The following DDB1 variants were observed in gnomAD, a reference collection of about 807,000 sequenced individuals.
The protein encoded by DDB1 is damage specific DNA binding protein 1.
Under a neutral mutation model 133.1 loss-of-function variants are expected in DDB1, and 18 were observed. That is an observed-to-expected ratio of 0.14 (90% CI 0.09 to 0.20). The LOEUF is 0.20. Among genes scored for constraint, DDB1 ranks in the 10% least tolerant of loss-of-function variants. The probability of loss-of-function intolerance (pLI) is 1.00; values close to 1 mark genes in which losing one functional copy is unlikely to be tolerated. For missense variants in DDB1, 828 were observed against 1,459.2 expected, an observed-to-expected ratio of 0.57 and a Z score of 7.05; for synonymous variants, 580 against 550.5, an observed-to-expected ratio of 1.05 and a Z score of -0.75.
At chr11:61,328,615 G>C (rs1856308733) in intron 4 of DDB1, among the ~76,000 whole-genome samples, 1 of 152,186 alleles carries the variant, frequency 6.6e-6, no homozygotes, top group African/African-American at 2.4e-5. Context: ...GCTCACGTCT[G>C]AAATCTCAGC....
chr11:61,312,834 G>A lies in DDB1; in HGVS notation c.2069+665C>T, dbSNP rs190970302. 9.9e-5 allele frequency among the ~76,000 whole-genome samples: 15 copies of A among 151,868 alleles called. No homozygotes were observed. In the East Asian group the frequency reaches 1.4e-3, roughly 14 times the overall value. ...GACTGGTCTCGAGCTCCTGACCTCC[G>A]GTGATCCACCCACCTCAGCCTCCCA... On this transcript the variant is annotated intron_variant, in intron 16 of 26. Coordinates refer to ENST00000301764, the MANE Select transcript of DDB1 (RefSeq NM_001923.5).
chr11:61,321,802 T>A, intron 9 of DDB1, 105 bp from the exon 10 acceptor site: 1 of 994,624 alleles, frequency 1.0e-6, no homozygotes, highest in East Asian at 2.4e-5. Flanking sequence ...AGAACCTTTA[T>A]TGTGGGGCTA....
intron 20 of DDB1, 119 bp from the exon 21 acceptor site, chr11:61,309,196 AACAAC>A (rs1855921540): frequency 1.2e-6 from 1 of 854,556 alleles, no homozygotes; most frequent in Non-Finnish European, 1.9e-6. Flanking sequence ...CATCTAAAAA[AACAAC>A]ACAGACTCAG....
chr11:61,301,059 C>T (rs1054786511), intron 25 of DDB1, 127 bp from the exon 26 acceptor site: 60 of 1,387,024 alleles, frequency 4.3e-5, no homozygotes, highest in Non-Finnish European at 5.6e-5. Flanking sequence ...TTCCTTTCGC[C>T]TTGCTTTTAT....
At position 61,322,432 on chromosome 11, in the gene DDB1, T is replaced by A; in HGVS notation, c.1006-20A>T. On this transcript the variant is annotated intron_variant, in intron 8 of 26. Coordinates refer to ENST00000301764, the MANE Select transcript of DDB1 (RefSeq NM_001923.5). Reference sequence around the variant, plus strand: ...GTTGAGCTAATAAGAAAGAACAATGTTATGTTAGTCCTAGAACACCCTAAC... The same window carrying A: ...GTTGAGCTAATAAGAAAGAACAATGATATGTTAGTCCTAGAACACCCTAAC... 6.3e-7 allele frequency: 1 copy of A among 1,592,430 alleles called. No individual in the cohort carries two copies. Among genetic ancestry groups the A allele is most frequent in the Non-Finnish European group, 8.6e-7 (1 of 1,160,110 alleles).
chr11:61,306,480 A>G lies in DDB1; in HGVS notation c.2662-2445T>C, dbSNP rs1271124303. 4.0e-5 allele frequency among the ~76,000 whole-genome samples: 6 copies of G among 151,232 alleles called. No individual in the cohort carries two copies. In the East Asian group the frequency reaches 1.2e-3, roughly 29 times the overall value. On this transcript the variant is annotated intron_variant, in intron 21 of 26. Transcript: ENST00000301764. ...CACCTGAATCCCCAACCCACCCATC[A>G]CTCTCTCCCACACAACCTCCTATAA... is the stretch of plus-strand genomic sequence containing the variant.
chr11:61,313,684 C>G lies in DDB1; in HGVS notation c.1884G>C (p.Lys628Asn). The change falls in exon 16 of 27, where the codon AAG becomes AAC. Residue 628 changes from lysine (K) to asparagine (N), a missense_variant. By Grantham distance (94) the Lys-to-Asn change is moderately conservative (BLOSUM62 0). Transcript: ENST00000301764. ...IETGLLSDRK[K>N]VTLGTQPTVL... ...CGGTGGGCTGGGTGCCCAAAGTCAC[C>G]TTCTTACGGTCGCTCAACAGACCTA... 1.2e-6 allele frequency: 2 copies of G among 1,613,062 alleles called. No homozygotes were observed. The highest frequency in any genetic ancestry group is 1.7e-6 in the Non-Finnish European group (2 of 1,179,434).
chr11:61,330,813 AC>A lies in DDB1; in HGVS notation c.210+729del, dbSNP rs1225821381. Among the ~76,000 whole-genome samples, 4 of 152,012 alleles carry A rather than the reference AC, an allele frequency of 2.6e-5. No individual in the cohort carries two copies. In the East Asian group the frequency reaches 7.7e-4, roughly 29 times the overall value. On this transcript the variant is annotated intron_variant, in intron 2 of 26. Coordinates refer to ENST00000301764, the MANE Select transcript of DDB1 (RefSeq NM_001923.5). Reference sequence around the variant, plus strand: ...TGGGATTACAGGCACGTGCCACCACACCCGGCTAACTTTTGTATTTTTAGTA... The same window carrying A: ...TGGGATTACAGGCACGTGCCACCACACCGGCTAACTTTTGTATTTTTAGTA...
intron 1 of DDB1, 141 bp downstream of exon 1, chr11:61,332,766 TG>T: frequency 6.1e-6 from 4 of 659,580 alleles, no homozygotes; most frequent in South Asian, 3.0e-5. Flanking sequence ...GTCGCGGTGC[TG>T]GGGGAGGTTC....
Position 61,303,959 on chromosome 11 carries a change from T to A in DDB1, c.2738A>T (p.Tyr913Phe). 6.2e-7 allele frequency: 1 copy of A among 1,613,948 alleles called. No homozygotes were observed. The highest frequency in any genetic ancestry group is 8.5e-7 in the Non-Finnish European group (1 of 1,180,002). Residue 913 changes from tyrosine to phenylalanine, a missense_variant, in exon 22 of 27, where the codon TAC becomes TTC. By Grantham distance (22) the Tyr-to-Phe change is conservative (BLOSUM62 3). Transcript: ENST00000301764. ...CNHYNNIMAL[Y>F]LKTKGDFILV... ...GATGAAGTCGCCCTTGGTCTTCAGG[T>A]AGAGGGCCATGATGTTGTTGTAGTG...
rs755944606 is a variant in DDB1 at position 61,325,717 on chromosome 11, A to T, written c.665-9T>A. On this transcript the variant is annotated splice_polypyrimidine_tract_variant and intron_variant, in intron 5 of 26. Transcript: ENST00000301764. ...CCCAAAGGGCTCTGGGACTGCAGGA[A>T]AGACAGCAAAATTAGAATGCTCAGC... The T allele has an allele frequency of 6.2e-7, 1 of 1,608,122 alleles. No homozygotes were observed. The highest frequency in any genetic ancestry group is 8.5e-7 in the Non-Finnish European group (1 of 1,176,182).
At chr11:61,314,608 C>T in intron 12 of DDB1, 122 bp from the exon 13 acceptor site, 1 of 995,106 alleles carries the variant, frequency 1.0e-6, no homozygotes, top group East Asian at 2.5e-5. Flanking sequence ...GCTTCTATTT[C>T]TTATTCCCCA....
At position 61,311,796 on chromosome 11, in the gene DDB1, G is replaced by A. The variant is rs28720316; in HGVS notation, c.2265C>T (p.Ser755=). ...CCACTGCCCTTACCTGGGTGCTAGC[G>A]CTGGGCCTCAAGGCTGTCGTGCCCC... The part of the protein sequence containing the change: ...TSGGTTALRP[S]ASTQALSSSV... The change falls in exon 18 of 27, where the codon AGC becomes AGT. Residue 755 remains serine (S), a synonymous_variant. Coordinates refer to ENST00000301764, the MANE Select transcript of DDB1 (RefSeq NM_001923.5). The A allele has an allele frequency of 2.4e-4, 388 of 1,612,982 alleles. No individual in the cohort carries two copies. Among genetic ancestry groups the A allele is most frequent in the African/African-American group, 1.5e-3 (114 of 74,958 alleles).
Position 61,323,038 on chromosome 11 carries a change from A to T in DDB1, c.978T>A (p.Ser326=), listed in dbSNP as rs1481477403. The change falls in exon 8 of 27, where the codon TCT becomes TCA. Residue 326 remains serine, a synonymous_variant. Coordinates refer to ENST00000301764, the MANE Select transcript of DDB1 (RefSeq NM_001923.5). ...YLDNGVVFVG[S]RLGDSQLVKL... is the part of the protein sequence containing the mutation. ...TCACAAGCTGGGAGTCACCCAGGCG[A>T]GACCCGACAAACACAACACCATTAT... The T allele has an allele frequency of 6.2e-7, 1 of 1,614,026 alleles. No individual in the cohort carries two copies.
At chr11:61,307,030 A>G (rs991259147) in intron 21 of DDB1, among the ~76,000 whole-genome samples, 1 of 151,992 alleles carries the variant, frequency 6.6e-6, no homozygotes, top group African/African-American at 2.4e-5. Context: ...AGACACAGCC[A>G]AAAGGGCATT....
chr11:61,323,433 AG>A, intron 7 of DDB1: 1 of 298,518 alleles, frequency 3.3e-6, no homozygotes, highest in South Asian at 3.5e-5. Flanking sequence ...TTTTTGAGAC[AG>A]GGTCTCACTG....
intron 21 of DDB1, among the ~76,000 whole-genome samples, chr11:61,308,421 C>T (rs142267775): frequency 1.3e-5 from 2 of 152,230 alleles, no homozygotes; most frequent in South Asian, 2.1e-4. Context: ...CAGTCCTGCA[C>T]CCCTTTTACT....
At position 61,333,091 on chromosome 11, in the gene DDB1, G is replaced by T; in HGVS notation, c.-123C>A. The stretch of plus-strand genomic sequence containing the variant: ...CCACTGCCGCTGCCTCCGCCCCAGA[G>T]ACACGTTGCAGGCCAGAGCGGCCGG... On this transcript the variant is annotated 5_prime_UTR_variant, in exon 1 of 27. Coordinates refer to ENST00000301764, the MANE Select transcript of DDB1 (RefSeq NM_001923.5). 1.1e-6 allele frequency: 1 copy of T among 950,476 alleles called. No homozygotes were observed. The highest frequency in any genetic ancestry group is 2.2e-5 in the South Asian group (1 of 44,626). The allele number at this position is 950,476 out of a possible 1,614,324, so 58.9% of individuals were successfully genotyped here.
intron 25 of DDB1, chr11:61,301,642 G>A (rs934450807): frequency 1.3e-5 from 2 of 152,404 alleles, no homozygotes; most frequent in Non-Finnish European, 2.9e-5. Context: ...CTGAGACTCA[G>A]TGAGACAAGG....
Sources: allele counts gnomAD v4.1 joint callset (sites outside exome capture counted in the v4.1 genomes callset), GRCh38; gene constraint gnomAD v4.1.1; transcripts MANE v1.5; gene names NCBI Gene and HGNC (gene_info 2026-07-23, HGNC 2026-07-21).